The following GTF2A1 variants were observed in gnomAD, a reference collection of about 807,000 sequenced individuals.
GTF2A1 encodes the protein transcription initiation factor IIA subunit 1.
In GTF2A1, 12 loss-of-function variants were observed where a neutral mutation model predicts 54.1. That is an observed-to-expected ratio of 0.22 (90% confidence interval 0.14 to 0.36). GTF2A1 has a LOEUF of 0.36. Among genes scored for constraint, GTF2A1 ranks in the 10% least tolerant of loss-of-function variants. The pLI is 1.00. For missense variants in GTF2A1, 335 were observed against 442.2 expected (o/e 0.76, Z 2.17); for synonymous variants, 145 against 152.0 (o/e 0.95, Z 0.34).
intron 6 of GTF2A1, among the ~76,000 whole-genome samples, chr14:81,193,787 A>C (rs1445789330): frequency 1.3e-5 from 2 of 152,242 alleles, no homozygotes; most frequent in Non-Finnish European, 2.9e-5. Flanking sequence ...TATATGTATT[A>C]TAATAAAGGA....
intron 4 of GTF2A1, among the ~76,000 whole-genome samples, chr14:81,199,856 T>A (rs567279225): frequency 1.3e-5 from 2 of 152,246 alleles, no homozygotes; most frequent in East Asian, 3.9e-4. Flanking sequence ...CACAAGAGAC[T>A]CTGCCAAAAT....
intron 7 of GTF2A1, among the ~76,000 whole-genome samples, chr14:81,189,026 C>A (rs1451728229): frequency 2.6e-5 from 4 of 152,026 alleles, no homozygotes; most frequent in African/African-American, 9.7e-5. Context: ...CAACAAATAG[C>A]ATAAATAGCA....
chr14:81,194,212 A>T (rs146309537), intron 6 of GTF2A1, among the ~76,000 whole-genome samples: 86 of 152,340 alleles, frequency 5.6e-4, no homozygotes, highest in African/African-American at 2.0e-3. Context: ...CAGGAACCCT[A>T]CTGTGAACTG....
intron 6 of GTF2A1, among the ~76,000 whole-genome samples, chr14:81,194,344 T>C (rs939440620): frequency 8.5e-5 from 13 of 152,218 alleles, no homozygotes; most frequent in Non-Finnish European, 1.9e-4. Flanking sequence ...AACCAGTCCC[T>C]GGTGTCAAAA....
Position 81,192,763 on chromosome 14 carries a change from C to G in GTF2A1, c.689G>C (p.Gly230Ala). ...CGTAGGTATAACTTGAGTCTTATTT[C>G]CTGTAAATAAGATTTGCTGAGGCTG... ...IIQPQQILFT[G>A]NKTQVIPTTV... The change falls in exon 7 of 9, where the codon GGA (glycine) becomes GCA (alanine). Residue 230 changes from glycine (G) to alanine (A), a missense_variant. Coordinates refer to ENST00000553612, the MANE Select transcript of GTF2A1 (RefSeq NM_015859.4). The G allele has an allele frequency of 6.2e-7, 1 of 1,611,112 alleles. No individual in the cohort carries two copies. The highest frequency in any genetic ancestry group is 8.5e-7 in the Non-Finnish European group (1 of 1,177,230).
At chr14:81,212,072 AG>A in intron 2 of GTF2A1, among the ~76,000 whole-genome samples, 1 of 151,962 alleles carries the variant, frequency 6.6e-6, no homozygotes, top group Middle Eastern at 3.4e-3. Flanking sequence ...TCAATAGGAC[AG>A]CCCCTGCAAC....
At chr14:81,196,045 C>T (rs1892986028) in intron 6 of GTF2A1, 63 bp downstream of exon 6, 4 of 1,459,964 alleles carry the variant, frequency 2.7e-6, no homozygotes, top group East Asian at 2.3e-5. Context: ...AGGGAAACTA[C>T]CCAGGGAATA....
intron 7 of GTF2A1, among the ~76,000 whole-genome samples, chr14:81,190,560 A>G (rs1481792148): frequency 6.6e-6 from 1 of 152,184 alleles, no homozygotes; most frequent in Non-Finnish European, 1.5e-5. Flanking sequence ...TATACAAATC[A>G]TTGCAGAAAA....
intron 2 of GTF2A1, among the ~76,000 whole-genome samples, chr14:81,206,737 C>T (rs966336609): frequency 2.0e-5 from 3 of 152,118 alleles, no homozygotes; most frequent in Non-Finnish European, 4.4e-5. Context: ...GATTCATAGT[C>T]AATTTAGAAT....
rs531962241 is a variant in GTF2A1 at position 81,178,402 on chromosome 14, T to A, written c.*1821A>T. On this transcript the variant is annotated 3_prime_UTR_variant, in exon 9 of 9. Coordinates refer to ENST00000553612, the MANE Select transcript of GTF2A1 (RefSeq NM_015859.4). ...AATAATATATATTTTAAAACCTCTGTGTGCTTTGAGAGTCACAGAATAAAC... is the reference window on the plus strand; with the variant it reads ...AATAATATATATTTTAAAACCTCTGAGTGCTTTGAGAGTCACAGAATAAAC... The A allele has an allele frequency of 2.6e-4, 39 of 152,294 alleles. No individual in the cohort carries two copies. Among genetic ancestry groups the A allele is most frequent in the African/African-American group, 8.9e-4 (37 of 41,568 alleles). 9.4% of individuals were successfully genotyped at this position (152,294 alleles called of 1,614,324 possible).
intron 6 of GTF2A1, among the ~76,000 whole-genome samples, chr14:81,193,185 T>A (rs1397485366): frequency 1.3e-5 from 2 of 149,646 alleles, no homozygotes; most frequent in Admixed American, 6.7e-5. Context: ...TTTTTTTTTA[T>A]AGATGGAGTC....
chr14:81,203,734 G>A (rs1450611963), intron 3 of GTF2A1, among the ~76,000 whole-genome samples, 166 bp downstream of exon 3: 1 of 152,152 alleles, frequency 6.6e-6, no homozygotes, highest in Non-Finnish European at 1.5e-5. Flanking sequence ...TCAGCCAAGA[G>A]AAAGGGGGGA....
intron 4 of GTF2A1, among the ~76,000 whole-genome samples, chr14:81,198,592 T>A (rs1217711237): frequency 6.6e-6 from 1 of 152,180 alleles, no homozygotes; most frequent in African/African-American, 2.4e-5. Context: ...CGCAAAGAAT[T>A]ATGCCATTCT....
intron 6 of GTF2A1, among the ~76,000 whole-genome samples, 189 bp from the exon 7 acceptor site, chr14:81,193,028 C>G (rs573655323): frequency 6.6e-6 from 1 of 152,248 alleles, no homozygotes; most frequent in South Asian, 2.1e-4. Context: ...TATCAAATTT[C>G]TAGAAAATAA....
Position 81,197,485 on chromosome 14 carries a change from C to CT in GTF2A1, c.403-2dup. On this transcript the variant is annotated splice_acceptor_variant, in intron 4 of 8. Coordinates refer to ENST00000553612, the MANE Select transcript of GTF2A1 (RefSeq NM_015859.4). LOFTEE classifies it high-confidence loss of function. ...AGGTAGCAGCTGTAGCAGCAGCACT[C>CT]TGAAAAAAACAAAGAAAAAATATCA... is the stretch of plus-strand genomic sequence containing the variant. 6.5e-7 allele frequency: 1 copy of CT among 1,548,704 alleles called. No individual in the cohort carries two copies. Among genetic ancestry groups the CT allele is most frequent in the Non-Finnish European group, 8.8e-7 (1 of 1,132,272 alleles).
chr14:81,189,929 A>G (rs1892837552), intron 7 of GTF2A1, among the ~76,000 whole-genome samples: 1 of 152,174 alleles, frequency 6.6e-6, no homozygotes, highest in African/African-American at 2.4e-5. Context: ...GGAAAAACAC[A>G]CTAGAGAGAA....
chr14:81,199,470 TATG>T (rs1893058162), intron 4 of GTF2A1, among the ~76,000 whole-genome samples: 1 of 152,234 alleles, frequency 6.6e-6, no homozygotes, highest in Admixed American at 6.5e-5. Flanking sequence ...CTCACGTTTT[TATG>T]ATTAGTTCAT....
intron 5 of GTF2A1, among the ~76,000 whole-genome samples, chr14:81,197,066 T>A (rs1007166688): frequency 6.6e-5 from 10 of 152,188 alleles, no homozygotes; most frequent in African/African-American, 2.4e-4. Context: ...GCTCTAGGAA[T>A]TACTTTGATA....
chr14:81,220,973 A>G, upstream of GTF2A1: 1 of 159,110 alleles, frequency 6.3e-6, no homozygotes, highest in Non-Finnish European at 1.4e-5. Flanking sequence ...GTGAAGGGGG[A>G]GGGAGGGGCG....
Sources: allele counts gnomAD v4.1 joint callset (sites outside exome capture counted in the v4.1 genomes callset), GRCh38; gene constraint gnomAD v4.1.1; transcripts MANE v1.5; gene names NCBI Gene and HGNC (gene_info 2026-07-23, HGNC 2026-07-21).